CCSER1: variants seen among roughly 807,000 people sequenced by gnomAD.
The protein encoded by CCSER1 is serine-rich coiled-coil domain-containing protein 1.
In CCSER1, 41 loss-of-function variants were observed where a neutral mutation model predicts 82.0. The ratio of observed to expected loss-of-function variants is 0.50; its 90% CI spans 0.39 to 0.65. The LOEUF is 0.65. CCSER1 is among the 30% of genes least tolerant of loss of function. CCSER1 has a pLI of 0.00. For missense variants in CCSER1, 1,119 were observed against 1,064.2 expected (o/e 1.05, Z -0.72); for synonymous variants, 414 against 383.9 (o/e 1.08, Z -0.92).
chr4:90,744,694 C>T (rs1210533907), intron 7 of CCSER1, among the ~76,000 whole-genome samples: 1 of 152,082 alleles, frequency 6.6e-6, no homozygotes, highest in African/African-American at 2.4e-5. Context: ...AGCTCTGCCT[C>T]CAGTCAGATC....
At chr4:90,807,483 G>C (rs138154724) in intron 7 of CCSER1, among the ~76,000 whole-genome samples, 1 of 152,186 alleles carries the variant, frequency 6.6e-6, no homozygotes, top group Non-Finnish European at 1.5e-5. Flanking sequence ...GCTAGGTGTG[G>C]TGGCTCACAC....
intron 10 of CCSER1, among the ~76,000 whole-genome samples, chr4:91,433,419 C>A (rs1358417101): frequency 1.3e-5 from 2 of 152,184 alleles, no homozygotes; most frequent in South Asian, 2.1e-4. Flanking sequence ...TAGGCCTTCA[C>A]CGTCACTCAG....
chr4:91,549,995 A>G (rs1762085091), intron 10 of CCSER1, among the ~76,000 whole-genome samples: 1 of 150,138 alleles, frequency 6.7e-6, no homozygotes, highest in Non-Finnish European at 1.5e-5. Flanking sequence ...ATTTCTCTTT[A>G]CCCATGTGGA....
intron 4 of CCSER1, among the ~76,000 whole-genome samples, chr4:90,403,295 C>T (rs890120315): frequency 5.3e-5 from 8 of 151,598 alleles, no homozygotes; most frequent in Non-Finnish European, 8.8e-5. Flanking sequence ...GTCAGGAGAT[C>T]GAGACCATCC....
intron 4 of CCSER1, among the ~76,000 whole-genome samples, chr4:90,459,551 T>G (rs1267850913): frequency 6.6e-6 from 1 of 152,176 alleles, no homozygotes. Context: ...TTTCTCCTGA[T>G]GGCTTCTTTC....
At chr4:90,616,683 T>TCACACA (rs56988615) in intron 5 of CCSER1, among the ~76,000 whole-genome samples, 83 of 120,370 alleles carry the variant, frequency 6.9e-4, no homozygotes, top group Admixed American at 1.8e-3. Flanking sequence ...TGGCTCTGTC[T>TCACACA]CACACACACA....
intron 10 of CCSER1, among the ~76,000 whole-genome samples, chr4:91,140,982 G>A (rs1728969394): frequency 6.6e-6 from 1 of 151,928 alleles, no homozygotes; most frequent in African/African-American, 2.4e-5. Flanking sequence ...AGTTTTTATA[G>A]TACCCAGTGT....
chr4:91,284,398 TA>T (rs981638790), intron 10 of CCSER1, among the ~76,000 whole-genome samples: 1 of 152,060 alleles, frequency 6.6e-6, no homozygotes, highest in Non-Finnish European at 1.5e-5. Flanking sequence ...AATTAATCTA[TA>T]AATGTTTAGA....
At chr4:91,537,766 C>T (rs1761369828) in intron 10 of CCSER1, among the ~76,000 whole-genome samples, 2 of 151,776 alleles carry the variant, frequency 1.3e-5, no homozygotes, top group African/African-American at 4.8e-5. Context: ...TAGCAATCAA[C>T]AATATACCTA....
At chr4:91,185,415 C>A (rs187480497) in intron 10 of CCSER1, among the ~76,000 whole-genome samples, 51 of 152,320 alleles carry the variant, frequency 3.3e-4, no homozygotes, top group African/African-American at 1.1e-3. Flanking sequence ...TAAAAGTAAT[C>A]CTATTGTCCC....
At chr4:90,873,047 G>A (rs1020653204) in intron 8 of CCSER1, among the ~76,000 whole-genome samples, 6 of 151,836 alleles carry the variant, frequency 4.0e-5, no homozygotes, top group African/African-American at 1.2e-4. Context: ...AAATATCTTA[G>A]GTAGTCTTAT....
At chr4:90,188,447 G>A (rs1454873612) in intron 1 of CCSER1, among the ~76,000 whole-genome samples, 1 of 151,732 alleles carries the variant, frequency 6.6e-6, no homozygotes, top group Non-Finnish European at 1.5e-5. Flanking sequence ...GAATTTTGCA[G>A]AGCCACTACT....
intron 5 of CCSER1, among the ~76,000 whole-genome samples, chr4:90,474,085 G>A (rs570906116): frequency 6.6e-6 from 1 of 150,494 alleles, no homozygotes; most frequent in African/African-American, 2.5e-5. Context: ...AGGTTGCAGT[G>A]AGCCGAGATT....
At chr4:90,578,099 A>C (rs1483443613) in intron 5 of CCSER1, among the ~76,000 whole-genome samples, 1 of 152,186 alleles carries the variant, frequency 6.6e-6, no homozygotes, top group African/African-American at 2.4e-5. Flanking sequence ...ACCCTTTCAT[A>C]CAACTTGGGA....
At chr4:90,595,761 T>C (rs1418226584) in intron 5 of CCSER1, among the ~76,000 whole-genome samples, 1 of 151,920 alleles carries the variant, frequency 6.6e-6, no homozygotes, top group Non-Finnish European at 1.5e-5. Context: ...CTAGGTGTTT[T>C]CTCCTTAAAC....
In CCSER1 at chr4:91,137,368, T is replaced by C. The variant is rs536831977; in HGVS notation, c.2217+51374T>C. On this transcript the variant is annotated intron_variant, in intron 10 of 10. Coordinates refer to ENST00000509176, the MANE Select transcript of CCSER1 (RefSeq NM_001145065.2). ...ATCATTTTTTATGGCTGCATAGTAT[T>C]CCATGGTGTATATGTGCCACATTTT... 5.8e-5 allele frequency among the ~76,000 whole-genome samples: 4 copies of C among 69,252 alleles called. No individual in the cohort carries two copies. In the East Asian group the frequency reaches 1.6e-3, roughly 27 times the overall value. 45.4% of individuals were successfully genotyped at this position (69,252 alleles called of 152,430 possible). A position where few individuals can be genotyped will look rare whatever the true frequency, so the allele number is the denominator to read the frequency against.
At chr4:90,724,168 A>G (rs1254097102) in intron 7 of CCSER1, among the ~76,000 whole-genome samples, 177 bp downstream of exon 7, 1 of 152,022 alleles carries the variant, frequency 6.6e-6, no homozygotes, top group African/African-American at 2.4e-5. Flanking sequence ...AACTAAAGGT[A>G]AAGGTTTGAA....
In CCSER1 at chr4:90,808,780, T is replaced by C. The variant is rs146391215; in HGVS notation, c.2011-6982T>C. Among the ~76,000 whole-genome samples the C allele has an allele frequency of 4.7e-4, 71 of 152,348 alleles. 1 individual carries two copies. The East Asian group carries it at 0.012, about 25-fold the overall frequency. On this transcript the variant is annotated intron_variant, in intron 7 of 10. Coordinates refer to ENST00000509176, the MANE Select transcript of CCSER1 (RefSeq NM_001145065.2). ...GTAAATGGTGAAAATGGAATACTTATGCACTGCTGATGAGACTATAAATTA... is the reference window on the plus strand; with the variant it reads ...GTAAATGGTGAAAATGGAATACTTACGCACTGCTGATGAGACTATAAATTA...
At chr4:90,600,915 T>C (rs1456894718) in intron 5 of CCSER1, among the ~76,000 whole-genome samples, 1 of 152,008 alleles carries the variant, frequency 6.6e-6, no homozygotes, top group East Asian at 1.9e-4. Context: ...TTCTGTCAGA[T>C]TTCTATGTAT....
Sources: allele counts gnomAD v4.1 joint callset (sites outside exome capture counted in the v4.1 genomes callset), GRCh38; gene constraint gnomAD v4.1.1; transcripts MANE v1.5; gene names NCBI Gene and HGNC (gene_info 2026-07-23, HGNC 2026-07-21).